Variants in SGCG observed in about 807,000 individuals in gnomAD.
The protein encoded by SGCG is gamma-sarcoglycan.
SGCG carries 26 observed loss-of-function variants against 29.3 expected under a neutral mutation model. The observed-to-expected ratio is 0.89, with a 90% CI of 0.65 to 1.23. The LOEUF (loss-of-function observed/expected upper bound fraction) is 1.23, where lower values mean the gene tolerates loss of function less well. SGCG is among the 50% of genes most tolerant of loss of function. The pLI, the probability that SGCG is intolerant of heterozygous loss-of-function variation, is 0.00. For synonymous variants in SGCG, 145 were observed against 129.7 expected, an observed-to-expected ratio of 1.12 and a Z score of -0.80; for missense variants, 353 against 356.0, an observed-to-expected ratio of 0.99 and a Z score of 0.07.
chr13:23,235,019 A>T (rs1018065378), intron 3 of SGCG, among the ~76,000 whole-genome samples: 1 of 152,240 alleles, frequency 6.6e-6, no homozygotes, highest in Admixed American at 6.5e-5. Flanking sequence ...TGTTAGATCA[A>T]CTAACTTAAA....
chr13:23,235,258 C>T (rs1231158609), intron 3 of SGCG, among the ~76,000 whole-genome samples: 4 of 151,992 alleles, frequency 2.6e-5, no homozygotes, highest in Non-Finnish European at 5.9e-5. Context: ...ACTCGGGAGG[C>T]TGAGGTAGGA....
intron 3 of SGCG, among the ~76,000 whole-genome samples, chr13:23,237,648 A>G (rs938379080): frequency 3.3e-5 from 5 of 152,232 alleles, no homozygotes; most frequent in Non-Finnish European, 7.3e-5. Flanking sequence ...TGAGGACAGA[A>G]GCCCTAAGCC....
At chr13:23,318,789 C>T (rs9552924) in intron 6 of SGCG, among the ~76,000 whole-genome samples, 54,558 of 151,976 alleles carry the variant, frequency 0.36, 11,179 homozygotes, top group Non-Finnish European at 0.45. Context: ...TTCTTAGCAG[C>T]GTCCCATTAT....
At chr13:23,314,382 T>TTATATATATATATA (rs201480793) in intron 6 of SGCG, among the ~76,000 whole-genome samples, 4,220 of 78,094 alleles carry the variant, frequency 0.054, 197 homozygotes, top group East Asian at 0.063. Flanking sequence ...CTGCTATAGG[T>TTATATATATATATA]TATATATATA....
At chr13:23,219,606 G>C (rs1207494732) in intron 2 of SGCG, among the ~76,000 whole-genome samples, 1 of 151,990 alleles carries the variant, frequency 6.6e-6, no homozygotes, top group Non-Finnish European at 1.5e-5. Flanking sequence ...TTTTAAAATA[G>C]CTGAGAGGAT....
At chr13:23,188,948 C>T (rs1298558029) in intron 1 of SGCG, among the ~76,000 whole-genome samples, 2 of 152,168 alleles carry the variant, frequency 1.3e-5, no homozygotes, top group African/African-American at 4.8e-5. Flanking sequence ...TCATTCTTTA[C>T]GATACCTCTG....
Position 23,217,381 on chromosome 13 carries a change from G to A in SGCG, c.195+13492G>A, listed in dbSNP as rs116573160. On this transcript the variant is annotated intron_variant, in intron 2 of 7. Coordinates refer to ENST00000218867, the MANE Select transcript of SGCG (RefSeq NM_000231.3). ...TTTCATATATATATGCCAGTCCCCC[G>A]ATTAATTTTTGCCTTTACAGTCTAT... 4.5e-3 allele frequency: 685 copies of A among 151,938 alleles called. 5 individuals carry two copies. The highest frequency in any genetic ancestry group is 0.016 in the African/African-American group (645 of 41,460). 9.4% of individuals were successfully genotyped at this position (151,938 alleles called of 1,614,324 possible).
chr13:23,319,823 C>T (rs1157638771), intron 6 of SGCG, among the ~76,000 whole-genome samples: 1 of 152,138 alleles, frequency 6.6e-6, no homozygotes, highest in Non-Finnish European at 1.5e-5. Context: ...CACATTGTGC[C>T]ATCTGGTGGA....
intron 5 of SGCG, among the ~76,000 whole-genome samples, chr13:23,291,844 G>A (rs1566034200): frequency 6.6e-6 from 1 of 152,142 alleles, no homozygotes; most frequent in African/African-American, 2.4e-5. Context: ...TATGAAATGG[G>A]TCATTTTGTC....
intron 3 of SGCG, among the ~76,000 whole-genome samples, chr13:23,248,775 G>A (rs1214401773): frequency 5.3e-5 from 8 of 151,470 alleles, no homozygotes; most frequent in Admixed American, 4.6e-4. Context: ...GGCGGATCAC[G>A]AGGTCAGGAA....
intron 4 of SGCG, among the ~76,000 whole-genome samples, chr13:23,278,928 T>G (rs560224802): frequency 4.6e-5 from 7 of 152,306 alleles, no homozygotes; most frequent in Middle Eastern, 3.4e-3. Flanking sequence ...AGGATATGAT[T>G]TATCTTCTAG....
At chr13:23,192,110 G>A (rs1448017509) in intron 1 of SGCG, among the ~76,000 whole-genome samples, 1 of 149,540 alleles carries the variant, frequency 6.7e-6, no homozygotes. Context: ...GGGAAGCGGA[G>A]TTTGCAGTGA....
chr13:23,179,819 A>T (rs1876671743), upstream of SGCG, among the ~76,000 whole-genome samples: 3 of 152,216 alleles, frequency 2.0e-5, no homozygotes, highest in Admixed American at 6.5e-5. Flanking sequence ...AAGTCTCCTG[A>T]GAAGAAAATA....
Position 23,250,733 on chromosome 13 carries a change from T to C in SGCG, c.385+16T>C, listed in dbSNP as rs953267698. The C allele has an allele frequency of 9.5e-6, 14 of 1,470,604 alleles. No individual in the cohort carries two copies. The highest frequency in any genetic ancestry group is 6.8e-5 in the South Asian group (6 of 87,868). 91.1% of individuals were successfully genotyped at this position (1,470,604 alleles called of 1,614,324 possible). ...TTAAAAGTCGGTGAGTCCAGCTTCATCATGGTGCTTTGCATGCATGTTGTC... is the reference window on the plus strand; with the variant it reads ...TTAAAAGTCGGTGAGTCCAGCTTCACCATGGTGCTTTGCATGCATGTTGTC... On this transcript the variant is annotated intron_variant, in intron 4 of 7. Transcript: ENST00000218867.
At chr13:23,259,605 T>C (rs1880346890) in intron 4 of SGCG, among the ~76,000 whole-genome samples, 1 of 152,192 alleles carries the variant, frequency 6.6e-6, no homozygotes, top group Non-Finnish European at 1.5e-5. Flanking sequence ...TTGTTTGCTC[T>C]TGCTTCTCTA....
chr13:23,193,144 G>A lies in SGCG; in HGVS notation c.1-10551G>A, dbSNP rs547433561. On this transcript the variant is annotated intron_variant, in intron 1 of 7. Transcript: ENST00000218867. Reference sequence around the variant, plus strand: ...CCACGTGGTATGGACCGGTTTTCCCGGCAGTGGGAACAACGTGTCCAAAGA... The same window carrying A: ...CCACGTGGTATGGACCGGTTTTCCCAGCAGTGGGAACAACGTGTCCAAAGA... Among the ~76,000 whole-genome samples, 29 of 152,310 alleles carry A rather than the reference G, an allele frequency of 1.9e-4. 1 individual carries two copies. Among genetic ancestry groups the A allele is most frequent in the Middle Eastern group, 6.8e-3 (2 of 294 alleles).
chr13:23,174,743 T>A, the SGCG span, among the ~76,000 whole-genome samples: 1 of 152,324 alleles, frequency 6.6e-6, no homozygotes, highest in South Asian at 2.1e-4. Context: ...AAACACTGAG[T>A]GGCACTGGTT....
intron 4 of SGCG, among the ~76,000 whole-genome samples, chr13:23,275,434 C>T (rs554616871): frequency 6.6e-5 from 10 of 150,426 alleles, no homozygotes; most frequent in East Asian, 2.0e-4. Context: ...ACCCGGGAGG[C>T]GGAGGTTGCA....
rs551707923 is a variant in SGCG at position 23,245,379 on chromosome 13, G to A, written c.298-5251G>A. On this transcript the variant is annotated intron_variant, in intron 3 of 7. Coordinates refer to ENST00000218867, the MANE Select transcript of SGCG (RefSeq NM_000231.3). Reference sequence around the variant, plus strand: ...CAGGTAGGGTAGACCTAAAGATAGCGACGCTTAATTGACTTATGTGAGGGT... The same window carrying A: ...CAGGTAGGGTAGACCTAAAGATAGCAACGCTTAATTGACTTATGTGAGGGT... The A allele has an allele frequency of 8.5e-4, 130 of 152,242 alleles. 1 individual carries two copies. The highest frequency in any genetic ancestry group is 2.9e-3 in the African/African-American group (119 of 41,552). The allele number at this position is 152,242 out of a possible 1,614,324, so 9.4% of individuals were successfully genotyped here.
Sources: gnomAD v4.1 joint callset for allele counts (sites outside exome capture counted in the v4.1 genomes callset) on GRCh38, gnomAD v4.1.1 for gene constraint, MANE v1.5 for transcripts, NCBI Gene and HGNC (gene_info 2026-07-23, HGNC 2026-07-21) for gene names.